The following UNC5C variants were observed in gnomAD, a reference collection of about 807,000 sequenced individuals.
The protein encoded by UNC5C is unc-5 netrin receptor C, also known as netrin receptor UNC5C.
Under a neutral mutation model 99.8 loss-of-function variants are expected in UNC5C, and 47 were observed. That is an observed-to-expected ratio of 0.47 (90% confidence interval 0.37 to 0.60). The LOEUF is 0.60. Among genes scored for constraint, UNC5C ranks in the 20% least tolerant of loss-of-function variants. The probability of loss-of-function intolerance (pLI) is 0.00; values close to 1 mark genes in which losing one functional copy is unlikely to be tolerated. For synonymous variants in UNC5C, 487 were observed against 452.2 expected, an observed-to-expected ratio of 1.08 and a Z score of -0.98; for missense variants, 1,062 against 1,165.9, an observed-to-expected ratio of 0.91 and a Z score of 1.30.
chr4:95,314,187 G>C (rs929774236), intron 2 of UNC5C, among the ~76,000 whole-genome samples: 1 of 152,160 alleles, frequency 6.6e-6, no homozygotes, highest in Non-Finnish European at 1.5e-5. Flanking sequence ...AGATGAGAAA[G>C]ACATGACTGG....
At chr4:95,452,242 A>G (rs974646575) in intron 1 of UNC5C, among the ~76,000 whole-genome samples, 1 of 142,566 alleles carries the variant, frequency 7.0e-6, no homozygotes, top group East Asian at 2.0e-4. Context: ...AACTCTTTGC[A>G]TATAACTTTC....
chr4:95,255,676 C>T (rs1739950046), intron 4 of UNC5C, among the ~76,000 whole-genome samples: 1 of 152,124 alleles, frequency 6.6e-6, no homozygotes, highest in Non-Finnish European at 1.5e-5. Context: ...GGGCAAGTCC[C>T]AGCAATTCTC....
chr4:95,451,088 T>G (rs1320828573), intron 1 of UNC5C, among the ~76,000 whole-genome samples: 1 of 152,238 alleles, frequency 6.6e-6, no homozygotes, highest in Non-Finnish European at 1.5e-5. Flanking sequence ...ATGACTTACG[T>G]AGCAATTAGT....
intron 1 of UNC5C, among the ~76,000 whole-genome samples, chr4:95,435,361 A>G (rs1368785839): frequency 6.6e-6 from 1 of 152,010 alleles, no homozygotes; most frequent in Non-Finnish European, 1.5e-5. Flanking sequence ...CTTTTTTACC[A>G]CAGCTAGGTT....
intron 1 of UNC5C, among the ~76,000 whole-genome samples, chr4:95,431,730 T>A (rs1746641676): frequency 6.6e-6 from 1 of 151,868 alleles, no homozygotes; most frequent in Non-Finnish European, 1.5e-5. Context: ...AAGACCAGAG[T>A]TAAAGTGTGT....
chr4:95,265,096 T>G (rs1037694847), intron 4 of UNC5C, among the ~76,000 whole-genome samples: 2 of 152,152 alleles, frequency 1.3e-5, no homozygotes, highest in African/African-American at 4.8e-5. Flanking sequence ...GGCCCAAGAA[T>G]CAGTGTAAAA....
chr4:95,489,349 T>A (rs1721417740), intron 1 of UNC5C, among the ~76,000 whole-genome samples: 1 of 151,334 alleles, frequency 6.6e-6, no homozygotes, highest in Non-Finnish European at 1.5e-5. Flanking sequence ...TGGAACTCAG[T>A]GATAGTGATT....
chr4:95,194,522 T>A (rs1303315089), intron 12 of UNC5C, among the ~76,000 whole-genome samples: 3 of 152,070 alleles, frequency 2.0e-5, no homozygotes, highest in Admixed American at 2.0e-4. Context: ...CTGTACTGGG[T>A]CTTCTCCACC....
intron 1 of UNC5C, among the ~76,000 whole-genome samples, chr4:95,546,029 T>C (rs1187706471): frequency 2.0e-5 from 3 of 152,242 alleles, no homozygotes; most frequent in Non-Finnish European, 4.4e-5. Context: ...TGTTTTATCT[T>C]AAATATCTGT....
At chr4:95,528,924 T>G (rs567201103) in intron 1 of UNC5C, among the ~76,000 whole-genome samples, 3 of 152,282 alleles carry the variant, frequency 2.0e-5, no homozygotes, top group South Asian at 2.1e-4. Flanking sequence ...CAATGAAAGT[T>G]GTTACTTGAT....
Position 95,335,435 on chromosome 4 carries a change from T to C in UNC5C, c.321A>G (p.Val107=). ...CGGAAGTTTCATCTACTCTTTCATC[T>C]ACTATGTGGTCCTTCTGATGAACCC... The part of the protein sequence containing the change: ...SEWVHQKDHI[V]DERVDETSGL... Residue 107 remains valine, a synonymous_variant, in exon 2 of 16, where the codon GTA becomes GTG. Transcript: ENST00000453304. The C allele has an allele frequency of 6.2e-7, 1 of 1,611,692 alleles. No homozygotes were observed. The highest frequency in any genetic ancestry group is 8.5e-7 in the Non-Finnish European group (1 of 1,178,598).
intron 3 of UNC5C, 111 bp from the exon 4 acceptor site, chr4:95,278,473 T>A: frequency 1.3e-6 from 1 of 781,316 alleles, no homozygotes. Flanking sequence ...TTTTTTTCTT[T>A]CTTTTTTCTT....
At chr4:95,250,804 G>T in intron 4 of UNC5C, 137 bp from the exon 5 acceptor site, 1 of 869,734 alleles carries the variant, frequency 1.1e-6, no homozygotes. Context: ...TATGTACAAT[G>T]TTGTTCCAGG....
intron 2 of UNC5C, among the ~76,000 whole-genome samples, chr4:95,303,556 A>T (rs961332565): frequency 1.3e-5 from 2 of 152,150 alleles, no homozygotes; most frequent in African/African-American, 4.8e-5. Context: ...CACGCCTGTA[A>T]TCCCAGCTAC....
At chr4:95,457,463 C>T (rs1344137205) in intron 1 of UNC5C, among the ~76,000 whole-genome samples, 1 of 152,084 alleles carries the variant, frequency 6.6e-6, no homozygotes, top group Non-Finnish European at 1.5e-5. Flanking sequence ...TTTCTACCAC[C>T]TTTGTCACTT....
rs1028495725 is a variant in UNC5C, at chr4:95,167,978, T to A, written c.*1256A>T. On this transcript the variant is annotated 3_prime_UTR_variant, in exon 16 of 16. Transcript: ENST00000453304. ...GAGGTCGTGTGGTTAAATGACTTTCTCAAGGTGGCGCAACAAGACAGTGAC... is the reference window on the plus strand; with the variant it reads ...GAGGTCGTGTGGTTAAATGACTTTCACAAGGTGGCGCAACAAGACAGTGAC... The A allele has an allele frequency of 6.6e-6, 1 of 152,164 alleles. No individual in the cohort carries two copies. Among genetic ancestry groups the A allele is most frequent in the Non-Finnish European group, 1.5e-5 (1 of 68,038 alleles). 9.4% of individuals were successfully genotyped at this position (152,164 alleles called of 1,614,324 possible). A position where few individuals can be genotyped will look rare whatever the true frequency, so the allele number is the denominator to read the frequency against.
At chr4:95,189,933 C>T (rs905726817) in intron 12 of UNC5C, among the ~76,000 whole-genome samples, 2 of 152,120 alleles carry the variant, frequency 1.3e-5, no homozygotes, top group Admixed American at 6.5e-5. Context: ...GTCAGTGTGG[C>T]GATTCCTCAG....
intron 1 of UNC5C, among the ~76,000 whole-genome samples, chr4:95,421,210 T>A (rs1206891642): frequency 6.6e-6 from 1 of 152,194 alleles, no homozygotes; most frequent in Non-Finnish European, 1.5e-5. Context: ...GGAACAGATT[T>A]TTATGACTCT....
At chr4:95,198,043 C>T (rs542376682) in intron 12 of UNC5C, among the ~76,000 whole-genome samples, 15 of 146,086 alleles carry the variant, frequency 1.0e-4, no homozygotes, top group Non-Finnish European at 1.5e-4. Flanking sequence ...GCTGGAGTGC[C>T]GTGGTGCGAT....
Sources: gnomAD v4.1 joint callset for allele counts (sites outside exome capture counted in the v4.1 genomes callset) on GRCh38, gnomAD v4.1.1 for gene constraint, MANE v1.5 for transcripts, NCBI Gene and HGNC (gene_info 2026-07-23, HGNC 2026-07-21) for gene names.